The following FKBP11 variants were observed in gnomAD, a reference collection of about 807,000 sequenced individuals.
FKBP11 encodes peptidyl-prolyl cis-trans isomerase FKBP11.
FKBP11 carries 21 observed loss-of-function variants against 24.7 expected under a neutral mutation model. That is an observed-to-expected ratio of 0.85 (90% CI 0.60 to 1.23). FKBP11 has a LOEUF of 1.23. Ranked by LOEUF, FKBP11 falls within the 50% of genes most tolerant of loss-of-function variation. The pLI is 0.00. For missense variants in FKBP11, 245 were observed against 248.7 expected (o/e 0.99, Z 0.10); for synonymous variants, 106 against 100.6 (o/e 1.05, Z -0.32).
upstream of FKBP11, among the ~76,000 whole-genome samples, chr12:48,927,321 C>T (rs148365436): frequency 1.4e-3 from 214 of 152,032 alleles, no homozygotes; most frequent in Middle Eastern, 0.01. Context: ...GATAAGAAGC[C>T]TTCATTATCT....
At position 48,924,598 on chromosome 12, in the gene FKBP11, AG is replaced by A. The variant is rs748878848; in HGVS notation, c.245del (p.Pro82LeufsTer4). 3.2e-5 allele frequency: 51 copies of A among 1,614,032 alleles called. No homozygotes were observed. Among genetic ancestry groups the A allele is most frequent in the Non-Finnish European group, 4.1e-5 (48 of 1,179,972 alleles). On this transcript the variant is annotated frameshift_variant, in exon 3 of 6. Coordinates refer to ENST00000550765, the MANE Select transcript of FKBP11 (RefSeq NM_016594.3). LOFTEE classifies it high-confidence loss of function. ...GCTTTTGGCCAAGTTCTATAACCAG[AG>A]GGTCTCTGGTCAGGGAGGTGTCAAT... The part of the protein sequence containing the change: ...RIIDTSLTRD[P>X]LVIELGQKQV...
rs749619834 is a variant in FKBP11, at chr12:48,922,169, T to C, written c.421A>G (p.Ile141Val). Residue 141 changes from isoleucine (I) to valine (V), a missense_variant, in exon 6 of 6, where the codon ATT (isoleucine) becomes GTT (valine). Ile to Val is a conservative substitution (Grantham distance 29, BLOSUM62 3). Transcript: ENST00000550765. Reference sequence around the variant, plus strand: ...CAGTAGTTGGCTCGGATTAGTGCAATCAGCTCCACGTCATACTGCACCACT... The same window carrying C: ...CAGTAGTTGGCTCGGATTAGTGCAACCAGCTCCACGTCATACTGCACCACT... Reference protein sequence around the residue: ...DAVVQYDVELIALIRANYWLK... With the variant: ...DAVVQYDVELVALIRANYWLK... 1.2e-6 allele frequency: 2 copies of C among 1,613,990 alleles called. No homozygotes were observed. The highest frequency in any genetic ancestry group is 1.7e-6 in the Non-Finnish European group (2 of 1,179,998).
upstream of FKBP11, chr12:48,925,737 G>A: frequency 2.5e-6 from 1 of 402,652 alleles, no homozygotes; most frequent in Non-Finnish European, 4.6e-6. Flanking sequence ...CTGTGTGTCA[G>A]GAGCTAGTCT....
rs1366130570 is a variant in FKBP11 at position 48,925,356 on chromosome 12, C to T, written c.73G>A (p.Ala25Thr). The change falls in exon 1 of 6, where the codon GCT (alanine) becomes ACT (threonine). Residue 25 changes from alanine to threonine, a missense_variant. Ala to Thr is a moderately conservative substitution (Grantham distance 58, BLOSUM62 0). Coordinates refer to ENST00000550765, the MANE Select transcript of FKBP11 (RefSeq NM_016594.3). ...CTTTCGGTTTCGAGCCCAGCCTCAG[C>T]CCGGCACACCGCCGCACTGAGCAGC... is the stretch of plus-strand genomic sequence containing the variant. ...LLLLSAAVCR[A>T]EAGLETESPV... The T allele has an allele frequency of 2.5e-6, 4 of 1,606,854 alleles. No homozygotes were observed. In the Admixed American group the frequency reaches 5.1e-5, roughly 21 times the overall value.
chr12:48,923,531 G>A, intron 5 of FKBP11: 2 of 1,551,440 alleles, frequency 1.3e-6, no homozygotes, highest in South Asian at 2.4e-5. Flanking sequence ...TGTGGCCCAA[G>A]CAGGTCTCTT....
chr12:48,938,756 T>G, the FKBP11 span: 4 of 652,418 alleles, frequency 6.1e-6, no homozygotes, highest in Non-Finnish European at 1.0e-5. Flanking sequence ...AGGACAGCAA[T>G]TAGGGATTGG....
At chr12:48,936,772 T>C in the FKBP11 span, 1 of 151,688 alleles carries the variant, frequency 6.6e-6, no homozygotes, top group South Asian at 2.1e-4. Flanking sequence ...ACCACAAAGA[T>C]AGAGTGGAAA....
chr12:48,925,104 G>A lies in FKBP11; in HGVS notation c.137C>T (p.Pro46Leu). 1.3e-5 allele frequency: 21 copies of A among 1,613,738 alleles called. No homozygotes were observed. Among genetic ancestry groups the A allele is most frequent in the Non-Finnish European group, 1.8e-5 (21 of 1,179,888 alleles). The change falls in exon 2 of 6, where the codon CCC becomes CTC. Residue 46 changes from proline to leucine, a missense_variant. Transcript: ENST00000550765. ...AGCGGGCTCGGCACATGGTTCTGGG[G>A]GCTCCACCTACGATCGGACTACAGG... ...RTLQVETLVE[P>L]PEPCAEPAAF...
At chr12:48,922,226 G>T in intron 5 of FKBP11, 25 bp from the exon 6 acceptor site, 1 of 1,580,312 alleles carries the variant, frequency 6.3e-7, no homozygotes, top group South Asian at 1.1e-5. Context: ...GGGTGGAGAG[G>T]GTTAGACTCT....
the FKBP11 span, chr12:48,937,322 G>A: frequency 6.6e-6 from 1 of 152,306 alleles, no homozygotes; most frequent in African/African-American, 2.4e-5. Flanking sequence ...GCAGGTTATG[G>A]GCAGCTGTCT....
chr12:48,922,029 T>TTTGGAGAC lies in FKBP11; in HGVS notation c.553_560dup (p.Lys188SerfsTer20). On this transcript the variant is annotated frameshift_variant, in exon 6 of 6. Transcript: ENST00000550765. LOFTEE classifies it high-confidence loss of function. ...TTCGTTTCTCTTCCTTGAGCTTCTT[T>TTTGGAGAC]TTGGAGACTTTGGGTCTATTGGCCT... is the stretch of plus-strand genomic sequence containing the variant. 1 of 1,612,772 alleles carries TTTGGAGAC rather than the reference T, an allele frequency of 6.2e-7. No homozygotes were observed. The highest frequency in any genetic ancestry group is 1.1e-5 in the South Asian group (1 of 90,666).
chr12:48,936,537 TTAGCA>T, the FKBP11 span: 1 of 152,668 alleles, frequency 6.6e-6, no homozygotes, highest in Non-Finnish European at 1.5e-5. Context: ...TGCCAAGGGC[TTAGCA>T]GCCAGGGATA....
chr12:48,925,016 G>GA, intron 2 of FKBP11, 30 bp downstream of exon 2: 5 of 1,188,052 alleles, frequency 4.2e-6, no homozygotes, highest in Non-Finnish European at 6.1e-6. Flanking sequence ...CCCCCTCCCA[G>GA]GCCCCGCCCC....
At chr12:48,932,253 A>G in the FKBP11 span, among the ~76,000 whole-genome samples, 1 of 38,456 alleles carries the variant, frequency 2.6e-5, no homozygotes, top group Non-Finnish European at 4.9e-5. Flanking sequence ...ATATATATAT[A>G]TATATATATT....
In FKBP11 at chr12:48,922,218, G is replaced by A. The variant is rs1056255580; in HGVS notation, c.389-17C>T. The A allele has an allele frequency of 4.4e-6, 7 of 1,604,866 alleles. No individual in the cohort carries two copies. The highest frequency in any genetic ancestry group is 6.0e-6 in the Non-Finnish European group (7 of 1,173,056). Reference sequence around the variant, plus strand: ...CTGCATCCGCTGGAGAGGCAGAGGGGTGGAGAGGGTTAGACTCTCTGCATT... The same window carrying A: ...CTGCATCCGCTGGAGAGGCAGAGGGATGGAGAGGGTTAGACTCTCTGCATT... On this transcript the variant is annotated splice_polypyrimidine_tract_variant and intron_variant, in intron 5 of 5. Transcript: ENST00000550765.
chr12:48,923,687 GGA>G, intron 5 of FKBP11, 93 bp downstream of exon 5: 1 of 1,586,814 alleles, frequency 6.3e-7, no homozygotes, highest in Non-Finnish European at 8.7e-7. Flanking sequence ...AACTTGGTCT[GGA>G]TCTTCTCAAG....
chr12:48,922,729 G>C, intron 5 of FKBP11: 2 of 994,376 alleles, frequency 2.0e-6, no homozygotes, highest in Non-Finnish European at 2.4e-6. Flanking sequence ...ACAGAAATGA[G>C]TGGGCAGAAG....
chr12:48,932,686 C>T, the FKBP11 span, among the ~76,000 whole-genome samples: 1 of 152,036 alleles, frequency 6.6e-6, no homozygotes, highest in Admixed American at 6.6e-5. Context: ...GTTAGAGCCC[C>T]AAGCTAAGCC....
At chr12:48,931,128 TAAAAAA>T (rs35482677), upstream of FKBP11, among the ~76,000 whole-genome samples, 4,585 of 35,700 alleles carry the variant, frequency 0.13, 172 homozygotes, top group South Asian at 0.36. Context: ...GACTCCAGCT[TAAAAAA>T]AAAAAAAAAA....
Sources: gnomAD v4.1 joint callset for allele counts (sites outside exome capture counted in the v4.1 genomes callset) on GRCh38, gnomAD v4.1.1 for gene constraint, MANE v1.5 for transcripts, NCBI Gene and HGNC (gene_info 2026-07-23, HGNC 2026-07-21) for gene names.